GOPC: variants seen among roughly 807,000 people sequenced by gnomAD.
The protein encoded by GOPC is Golgi-associated PDZ and coiled-coil motif-containing protein.
Under a neutral mutation model 51.2 loss-of-function variants are expected in GOPC, and 32 were observed. The ratio of observed to expected loss-of-function variants is 0.63; its 90% CI spans 0.47 to 0.84. The LOEUF is 0.84. Ranked by LOEUF, GOPC falls within the 40% of genes least tolerant of loss-of-function variation. GOPC has a pLI of 0.00. For missense variants in GOPC, 441 were observed against 555.5 expected (o/e 0.79, Z 2.07); for synonymous variants, 190 against 205.1 (o/e 0.93, Z 0.63).
At chr6:117,594,258 T>G (rs1285539162) in intron 1 of GOPC, among the ~76,000 whole-genome samples, 1 of 152,160 alleles carries the variant, frequency 6.6e-6, no homozygotes, top group African/African-American at 2.4e-5. Context: ...CCACCACAGG[T>G]GCTTTTCACT....
At chr6:117,568,537 T>C (rs768028463) in intron 7 of GOPC, among the ~76,000 whole-genome samples, 8 of 152,318 alleles carry the variant, frequency 5.3e-5, no homozygotes, top group African/African-American at 1.2e-4. Flanking sequence ...TCAAGATGGA[T>C]TGATAAAACA....
At chr6:117,598,243 T>C (rs1198199489) in intron 1 of GOPC, among the ~76,000 whole-genome samples, 1 of 150,068 alleles carries the variant, frequency 6.7e-6, no homozygotes, top group African/African-American at 2.5e-5. Context: ...GTATAGTAGC[T>C]CATGCCTGTA....
intron 1 of GOPC, among the ~76,000 whole-genome samples, chr6:117,594,811 G>A (rs1780170291): frequency 6.6e-6 from 1 of 152,198 alleles, no homozygotes; most frequent in Non-Finnish European, 1.5e-5. Context: ...AAAGGAGGAT[G>A]TGAAAGAAGG....
rs750950542 is a variant in GOPC, at chr6:117,566,918, T to C, written c.1194A>G (p.Leu398=). 6.2e-7 allele frequency: 1 copy of C among 1,610,992 alleles called. No individual in the cohort carries two copies. Among genetic ancestry groups the C allele is most frequent in the East Asian group, 2.2e-5 (1 of 44,688 alleles). The change falls in exon 8 of 9, where the codon TTA becomes TTG. Residue 398 remains leucine (L), a synonymous_variant. Coordinates refer to ENST00000368498, the MANE Select transcript of GOPC (RefSeq NM_020399.4). ...GHRYRLYLDE[L]EGGGNPGASC... ...TAGCACCAGGGTTACCACCTCCTTC[T>C]AACTCATCAAGGTACAAACGGTAAC... is the stretch of plus-strand genomic sequence containing the variant.
chr6:117,560,401 A>G lies in GOPC; in HGVS notation c.*2853T>C. ...AACTAGATATAATACATTATCATAA[A>G]TGCAATAGATTTGAGGCCAACCATA... On this transcript the variant is annotated 3_prime_UTR_variant, in exon 9 of 9. Transcript: ENST00000368498. The G allele has an allele frequency of 5.3e-6, 1 of 186,956 alleles. No individual in the cohort carries two copies. The highest frequency in any genetic ancestry group is 2.3e-5 in the African/African-American group (1 of 42,882). 11.6% of individuals were successfully genotyped at this position (186,956 alleles called of 1,614,324 possible).
intron 7 of GOPC, among the ~76,000 whole-genome samples, chr6:117,569,301 AC>A (rs1198486737): frequency 6.6e-6 from 1 of 152,210 alleles, no homozygotes; most frequent in Non-Finnish European, 1.5e-5. Flanking sequence ...CTTAATCCTC[AC>A]AGCTTTCTTT....
At chr6:117,581,138 G>A (rs368753798) in intron 1 of GOPC, among the ~76,000 whole-genome samples, 5 of 152,252 alleles carry the variant, frequency 3.3e-5, no homozygotes, top group African/African-American at 1.2e-4. Flanking sequence ...AAATAAATAA[G>A]TGAAAAGGTA....
Position 117,586,135 on chromosome 6 carries a change from A to G in GOPC, c.286-7071T>C, listed in dbSNP as rs184971781. On this transcript the variant is annotated intron_variant, in intron 1 of 8. Coordinates refer to ENST00000368498, the MANE Select transcript of GOPC (RefSeq NM_020399.4). Reference sequence around the variant, plus strand: ...GATGAAAGTACAGATTGGAATGTAAATCTCTAGCAATTATACCATTTAGTG... The same window carrying G: ...GATGAAAGTACAGATTGGAATGTAAGTCTCTAGCAATTATACCATTTAGTG... 4.2e-3 allele frequency among the ~76,000 whole-genome samples: 640 copies of G among 152,298 alleles called. 2 individuals carry two copies. Among genetic ancestry groups the G allele is most frequent in the Non-Finnish European group, 5.2e-3 (355 of 68,026 alleles).
At position 117,602,356 on chromosome 6, in the gene GOPC, T is replaced by C; in HGVS notation, c.-68A>G. ...GCCCCCCGCGCACGAAGGGAACTGCTGGGACTGAGGGGACCCCCGCGCGCG... is the reference window on the plus strand; with the variant it reads ...GCCCCCCGCGCACGAAGGGAACTGCCGGGACTGAGGGGACCCCCGCGCGCG... On this transcript the variant is annotated 5_prime_UTR_variant, in exon 1 of 9. Transcript: ENST00000368498. The C allele has an allele frequency of 6.9e-7, 1 of 1,459,478 alleles. No homozygotes were observed. The highest frequency in any genetic ancestry group is 9.0e-7 in the Non-Finnish European group (1 of 1,108,902). 90.4% of individuals were successfully genotyped at this position (1,459,478 alleles called of 1,614,324 possible). A position where few individuals can be genotyped will look rare whatever the true frequency, so the allele number is the denominator to read the frequency against.
chr6:117,596,038 C>T (rs1488757088), intron 1 of GOPC, among the ~76,000 whole-genome samples: 1 of 152,128 alleles, frequency 6.6e-6, no homozygotes, highest in Non-Finnish European at 1.5e-5. Context: ...GTTCCCTTTT[C>T]ACCACATCCG....
At chr6:117,567,068 TATTGTA>T (rs1222253548) in intron 7 of GOPC, 34 bp from the exon 8 acceptor site, 5 of 1,481,030 alleles carry the variant, frequency 3.4e-6, no homozygotes, top group Non-Finnish European at 4.5e-6. Flanking sequence ...AAAGTCAAGT[TATTGTA>T]ATTGTAATTT....
In GOPC at chr6:117,560,984, T is replaced by TA. The variant is rs753456822; in HGVS notation, c.*2269dup. 1.4e-5 allele frequency: 3 copies of TA among 214,286 alleles called. No individual in the cohort carries two copies. Among genetic ancestry groups the TA allele is most frequent in the Non-Finnish European group, 2.8e-5 (3 of 105,930 alleles). 13.3% of individuals were successfully genotyped at this position (214,286 alleles called of 1,614,324 possible). ...TCCTTTGGAACTAATAACTAATTCT[T>TA]AGTTCATCCCCAAAAACCATACATT... On this transcript the variant is annotated 3_prime_UTR_variant, in exon 9 of 9. Transcript: ENST00000368498.
At chr6:117,572,882 G>A (rs1779826522) in intron 5 of GOPC, among the ~76,000 whole-genome samples, 1 of 152,136 alleles carries the variant, frequency 6.6e-6, no homozygotes, top group Non-Finnish European at 1.5e-5. Flanking sequence ...TGAACCCTTG[G>A]GAGACATGCT....
Position 117,588,713 on chromosome 6 carries a change from AATG to A in GOPC, c.286-9652_286-9650del, listed in dbSNP as rs200564664. Among the ~76,000 whole-genome samples, 42 of 151,830 alleles carry A rather than the reference AATG, an allele frequency of 2.8e-4. No individual in the cohort carries two copies. The East Asian group carries it at 7.9e-3, about 29-fold the overall frequency. On this transcript the variant is annotated intron_variant, in intron 1 of 8. Transcript: ENST00000368498. ...AATGAGTTTATTGTAGTTATTTTTA[AATG>A]ATGTAATAAAGTTTTCTCAGTTTAA...
chr6:117,600,651 T>C (rs141462133), intron 1 of GOPC, among the ~76,000 whole-genome samples: 2 of 152,122 alleles, frequency 1.3e-5, no homozygotes, highest in South Asian at 2.1e-4. Context: ...GAAAAAAATA[T>C]AATAAGATAA....
intron 1 of GOPC, among the ~76,000 whole-genome samples, chr6:117,598,072 T>G (rs1389383877): frequency 6.6e-6 from 1 of 151,728 alleles, no homozygotes; most frequent in African/African-American, 2.4e-5. Flanking sequence ...CTAAAAAAAT[T>G]GATTTACCAG....
chr6:117,581,437 T>C (rs910865123), intron 1 of GOPC, among the ~76,000 whole-genome samples: 2 of 146,890 alleles, frequency 1.4e-5, no homozygotes, highest in African/African-American at 5.1e-5. Flanking sequence ...TTACAAAAAA[T>C]ACCTATTTAA....
chr6:117,575,981 C>T lies in GOPC; in HGVS notation c.475-629G>A, dbSNP rs575053455. 2.0e-5 allele frequency among the ~76,000 whole-genome samples: 3 copies of T among 152,098 alleles called. No homozygotes were observed. The South Asian group carries it at 6.2e-4, about 32-fold the overall frequency. On this transcript the variant is annotated intron_variant, in intron 3 of 8. Transcript: ENST00000368498. ...CACTGATTATTTTACATAATTATTT[C>T]CCTTTTTATTCTGGATATTGAGAAG...
chr6:117,581,652 A>G (rs2114616925), intron 1 of GOPC, among the ~76,000 whole-genome samples: 1 of 152,360 alleles, frequency 6.6e-6, no homozygotes, highest in South Asian at 2.1e-4. Context: ...TGTTTTGCAT[A>G]GCTGCACTTC....
Sources: gnomAD v4.1 joint callset for allele counts (sites outside exome capture counted in the v4.1 genomes callset) on GRCh38, gnomAD v4.1.1 for gene constraint, MANE v1.5 for transcripts, NCBI Gene and HGNC (gene_info 2026-07-23, HGNC 2026-07-21) for gene names.